Variants in DCTN1 observed in about 807,000 individuals in gnomAD.
DCTN1 encodes the protein 150 kDa dynein-associated polypeptide.
Under a neutral mutation model 161.2 loss-of-function variants are expected in DCTN1, and 61 were observed. The observed-to-expected ratio is 0.38, with a 90% confidence interval of 0.31 to 0.47. The LOEUF (loss-of-function observed/expected upper bound fraction) is 0.47, where lower values mean the gene tolerates loss of function less well. Among genes scored for constraint, DCTN1 ranks in the 20% least tolerant of loss-of-function variants. The pLI is 0.99. For synonymous variants in DCTN1, 653 were observed against 632.4 expected (o/e 1.03, Z -0.49); for missense variants, 1,404 against 1,623.7 (o/e 0.86, Z 2.33).
chr2:74,362,072 G>A lies in DCTN1; in HGVS notation c.3679C>T (p.Pro1227Ser), dbSNP rs746174945. Residue 1227 changes from proline to serine, a missense_variant, in exon 31 of 32, where the codon CCT becomes TCT. Pro to Ser is a moderately conservative substitution (Grantham distance 74). Around this residue, in one of 9 missense-constraint regions of DCTN1, gnomAD observed 311 missense variants for 298.9 expected, o/e 1.04. Coordinates refer to ENST00000628224, the MANE Select transcript of DCTN1 (RefSeq NM_004082.5). Reference protein sequence around the residue: ...ATVPTDFATFPSSAFLRAKEE... With the variant: ...ATVPTDFATFSSSAFLRAKEE... ...CTCACCCTGAGGAAGGCTGATGAAG[G>A]GAAGGTGGCAAAGTCAGTGGGTACT... 1 of 1,613,844 alleles carries A rather than the reference G, an allele frequency of 6.2e-7. No homozygotes were observed. Among genetic ancestry groups the A allele is most frequent in the East Asian group, 2.2e-5 (1 of 44,860 alleles).
Position 74,380,301 on chromosome 2 carries a change from A to C in DCTN1, c.-264T>G. ...ACAGAATCCTGCTTGCCAGCTGATG[A>C]GTCTCACTCTGCGCTAGTGCTGCTC... On this transcript the variant is annotated 5_prime_UTR_variant, in exon 1 of 32. Coordinates refer to ENST00000628224, the MANE Select transcript of DCTN1 (RefSeq NM_004082.5). 1.7e-6 allele frequency: 1 copy of C among 594,354 alleles called. No homozygotes were observed. Among genetic ancestry groups the C allele is most frequent in the Non-Finnish European group, 3.1e-6 (1 of 322,788 alleles). 36.8% of individuals were successfully genotyped at this position (594,354 alleles called of 1,614,324 possible).
intron 1 of DCTN1, among the ~76,000 whole-genome samples, chr2:74,387,630 T>C (rs1229252794): frequency 6.6e-6 from 1 of 152,246 alleles, no homozygotes; most frequent in African/African-American, 2.4e-5. Flanking sequence ...TTAGTCATTA[T>C]GTCTGGTTAA....
chr2:74,386,503 T>C (rs555723729), intron 1 of DCTN1: 2 of 152,324 alleles, frequency 1.3e-5, no homozygotes, highest in South Asian at 2.1e-4. Context: ...GGGAGGCTTA[T>C]AGTGTAGGAT....
At position 74,371,663 on chromosome 2, in the gene DCTN1, C is replaced by G. The variant is rs376565787; in HGVS notation, c.519G>C (p.Ala173=). The change falls in exon 8 of 32, where the codon GCG becomes GCC. Residue 173 remains alanine (A), a synonymous_variant. Transcript: ENST00000628224. The stretch of plus-strand genomic sequence containing the variant: ...CACTGCTGCTCAGCTCACCTGCTGA[C>G]GCTGAGCCAGAGGGGCCCAGGGAGC... The part of the protein sequence containing the change: ...ASSSLGPSGS[A]SAGELSSSEP... The G allele has an allele frequency of 6.2e-6, 10 of 1,600,150 alleles. No homozygotes were observed. The highest frequency in any genetic ancestry group is 2.7e-5 in the African/African-American group (2 of 74,750).
intron 5 of DCTN1, among the ~76,000 whole-genome samples, chr2:74,375,564 G>A (rs949876113): frequency 6.6e-6 from 1 of 152,198 alleles, no homozygotes; most frequent in Non-Finnish European, 1.5e-5. Context: ...TCAGGCCCCA[G>A]CCCAGGGTCA....
rs1026036256 is a variant in DCTN1, at chr2:74,361,578, G to A, written c.3758C>T (p.Ala1253Val). The A allele has an allele frequency of 1.7e-5, 27 of 1,613,854 alleles. No homozygotes were observed. Among genetic ancestry groups the A allele is most frequent in the South Asian group, 4.4e-5 (4 of 91,064 alleles). ...CCGGTGTCGCTGTCCAAAACCAGCCGCACATGAGAAGGTCACTTTGCCCAT... is the reference window on the plus strand; with the variant it reads ...CCGGTGTCGCTGTCCAAAACCAGCCACACATGAGAAGGTCACTTTGCCCAT... ...VYMGKVTFSC[A>V]AGFGQRHRLV... Residue 1253 changes from alanine (A) to valine (V), a missense_variant, in exon 32 of 32, where the codon GCG becomes GTG. Physicochemically the swap from Ala to Val is moderately conservative, Grantham distance 64. Around this residue, in one of 9 missense-constraint regions of DCTN1, gnomAD observed 311 missense variants for 298.9 expected, o/e 1.04. Coordinates refer to ENST00000628224, the MANE Select transcript of DCTN1 (RefSeq NM_004082.5).
intron 23 of DCTN1, 100 bp downstream of exon 23, chr2:74,366,144 T>A: frequency 6.2e-7 from 1 of 1,610,624 alleles, no homozygotes. Context: ...GCTCTCCAGA[T>A]GCCTTCCTCC....
intron 17 of DCTN1, 44 bp from the exon 18 acceptor site, chr2:74,367,908 C>A: frequency 1.2e-6 from 2 of 1,614,194 alleles, no homozygotes; most frequent in Non-Finnish European, 1.7e-6. Context: ...GTCTGCCAGG[C>A]AATCTCAGTT....
At chr2:74,367,572 C>G (rs1674516547) in intron 18 of DCTN1, 124 bp downstream of exon 18, 1 of 1,522,138 alleles carries the variant, frequency 6.6e-7, no homozygotes, top group Admixed American at 1.8e-5. Flanking sequence ...GAGAGTTCAT[C>G]TAAGAGCAAA....
At chr2:74,386,918 G>C (rs1675758354) in intron 1 of DCTN1, 1 of 152,094 alleles carries the variant, frequency 6.6e-6, no homozygotes, top group Non-Finnish European at 1.5e-5. Context: ...CATGGCATCA[G>C]AAAACCCATA....
intron 1 of DCTN1, chr2:74,390,563 C>T (rs1377879560): frequency 4.7e-6 from 2 of 425,926 alleles, no homozygotes; most frequent in South Asian, 3.4e-5. Flanking sequence ...TATTTGAGAT[C>T]TTGTAGTCCA....
chr2:74,371,357 C>T lies in DCTN1; in HGVS notation c.645+180G>A, dbSNP rs1010715266. 7.9e-6 allele frequency: 11 copies of T among 1,394,310 alleles called. No homozygotes were observed. In the Admixed American group the frequency reaches 2.0e-4, roughly 26 times the overall value. 86.4% of individuals were successfully genotyped at this position (1,394,310 alleles called of 1,614,324 possible). ...CACAGTATATATGGGGAAAGTATGG[C>T]ATAAGGGCAAGAAAGGAAAGGATGG... On this transcript the variant is annotated intron_variant, in intron 8 of 31. Transcript: ENST00000628224.
At position 74,370,113 on chromosome 2, in the gene DCTN1, C is replaced by T. The variant is rs1293766876; in HGVS notation, c.1288-44G>A. On this transcript the variant is annotated intron_variant, in intron 12 of 31. Transcript: ENST00000628224. The surrounding 1 kb of genome is among the most constrained non-coding windows in gnomAD (Gnocchi z 4.4). ...AGGGAGAAGGGCTGCTGGAAGGTAC[C>T]TAGAAAGAGGAGGCATCAACTGATA... The T allele has an allele frequency of 6.2e-7, 1 of 1,614,068 alleles. No homozygotes were observed. Among genetic ancestry groups the T allele is most frequent in the Non-Finnish European group, 8.5e-7 (1 of 1,180,002 alleles).
rs1403839976 is a variant in DCTN1 at position 74,371,591 on chromosome 2, G to A, written c.591C>T (p.Pro197=). ...CTCCAGGAGAGGTGAGGACCGGCGTGGGGATGATGGGTGCTGCCAGCGGAG... is the reference window on the plus strand; with the variant it reads ...CTCCAGGAGAGGTGAGGACCGGCGTAGGGATGATGGGTGCTGCCAGCGGAG... ...AQTPLAAPII[P]TPVLTSPGAV... The change falls in exon 8 of 32, where the codon CCC becomes CCT. Residue 197 remains proline, a synonymous_variant. Coordinates refer to ENST00000628224, the MANE Select transcript of DCTN1 (RefSeq NM_004082.5). The A allele has an allele frequency of 1.9e-6, 3 of 1,588,288 alleles. No homozygotes were observed. The South Asian group carries it at 3.4e-5, about 18-fold the overall frequency.
intron 31 of DCTN1, 64 bp from the exon 32 acceptor site, chr2:74,361,700 A>AG: frequency 1.9e-6 from 3 of 1,610,096 alleles, no homozygotes; most frequent in South Asian, 2.2e-5. Flanking sequence ...GGGCCACTGA[A>AG]GGGGTCCCTG....
At chr2:74,372,980 A>G (rs1218220767) in intron 6 of DCTN1, 32 bp from the exon 7 acceptor site, 2 of 1,611,946 alleles carry the variant, frequency 1.2e-6, no homozygotes, top group East Asian at 4.5e-5. Context: ...GAAGAGAAGT[A>G]GTCAGGAAAG....
At chr2:74,368,425 T>A in intron 16 of DCTN1, 1 of 606,830 alleles carries the variant, frequency 1.6e-6, no homozygotes, top group Non-Finnish European at 2.9e-6. Flanking sequence ...TAGAATGCTA[T>A]CCTGCCCATC....
Position 74,365,204 on chromosome 2 carries a change from T to C in DCTN1, c.3067A>G (p.Ile1023Val). The change falls in exon 26 of 32, where the codon ATC becomes GTC. Residue 1023 changes from isoleucine (I) to valine (V), a missense_variant. Around this residue, in one of 9 missense-constraint regions of DCTN1, gnomAD observed 23 missense variants for 48.5 expected, o/e 0.47. Coordinates refer to ENST00000628224, the MANE Select transcript of DCTN1 (RefSeq NM_004082.5). ...GCCTTCTCTGCCTCCAGCTGGTCGA[T>C]GTCAGCCTGGAGTGCATCCATTGTC... ...EETMDALQAD[I>V]DQLEAEKAEL... The C allele has an allele frequency of 2.5e-6, 4 of 1,614,202 alleles. No individual in the cohort carries two copies. The highest frequency in any genetic ancestry group is 3.4e-6 in the Non-Finnish European group (4 of 1,180,036).
intron 1 of DCTN1, chr2:74,391,344 A>AG (rs1558957405): frequency 5.3e-6 from 1 of 188,944 alleles, no homozygotes; most frequent in Non-Finnish European, 1.1e-5. Flanking sequence ...GATGACCTCA[A>AG]GGATCATCTT....
Sources: allele counts gnomAD v4.1 joint callset (sites outside exome capture counted in the v4.1 genomes callset), GRCh38; gene constraint gnomAD v4.1.1; regional missense constraint gnomAD v4.1.1; non-coding constraint Gnocchi (gnomAD v3.1); transcripts MANE v1.5; gene names NCBI Gene and HGNC (gene_info 2026-07-23, HGNC 2026-07-21).